The following NTRK2 variants were observed in gnomAD, a reference collection of about 807,000 sequenced individuals.
NTRK2 encodes the protein BDNF/NT-3 growth factors receptor.
In NTRK2, 13 loss-of-function variants were observed where a neutral mutation model predicts 94.5. That is an observed-to-expected ratio of 0.14 (90% CI 0.09 to 0.22). The LOEUF is 0.22. Among genes scored for constraint, NTRK2 ranks in the 10% least tolerant of loss-of-function variants. The probability of loss-of-function intolerance (pLI) is 1.00; values close to 1 mark genes in which losing one functional copy is unlikely to be tolerated. For synonymous variants in NTRK2, 372 were observed against 407.4 expected (o/e 0.91, Z 1.05); for missense variants, 639 against 1,071.2 (o/e 0.60, Z 5.63).
intron 12 of NTRK2, among the ~76,000 whole-genome samples, chr9:84,770,153 A>AACACACACAACACAC (rs1554721782): frequency 7.3e-6 from 1 of 136,956 alleles, no homozygotes; most frequent in Non-Finnish European, 1.6e-5. Flanking sequence ...TGTGCATGAG[A>AACACACACAACACAC]ACACACACAC....
intron 14 of NTRK2, among the ~76,000 whole-genome samples, chr9:84,898,785 C>G (rs1056477926): frequency 4.6e-5 from 7 of 152,016 alleles, no homozygotes; most frequent in Admixed American, 2.0e-4. Flanking sequence ...TCACTGCAAT[C>G]TCTGCCTCCT....
chr9:84,837,573 G>A (rs1405816068), intron 12 of NTRK2, among the ~76,000 whole-genome samples: 1 of 152,170 alleles, frequency 6.6e-6, no homozygotes, highest in Non-Finnish European at 1.5e-5. Flanking sequence ...GGGAGGCTTT[G>A]TAGCAAAGAA....
At chr9:84,724,587 T>C (rs1473778048) in intron 8 of NTRK2, among the ~76,000 whole-genome samples, 1 of 152,238 alleles carries the variant, frequency 6.6e-6, no homozygotes, top group Non-Finnish European at 1.5e-5. Flanking sequence ...ATTTTGAGCT[T>C]GTCATTTTGT....
At chr9:85,019,204 T>G (rs1832563619) in intron 17 of NTRK2, among the ~76,000 whole-genome samples, 1 of 152,186 alleles carries the variant, frequency 6.6e-6, no homozygotes, top group African/African-American at 2.4e-5. Context: ...CTATGCACCA[T>G]TACTCTATAA....
chr9:84,845,250 T>C (rs978228278), intron 12 of NTRK2, among the ~76,000 whole-genome samples: 53 of 148,012 alleles, frequency 3.6e-4, no homozygotes, highest in African/African-American at 1.2e-3. Context: ...ATGTGGTGTA[T>C]ACACACACAC....
Position 84,870,711 on chromosome 9 carries a change from T to C in NTRK2, c.1633+3280T>C, listed in dbSNP as rs75778512. On this transcript the variant is annotated intron_variant, in intron 14 of 18. Coordinates refer to ENST00000277120, the MANE Select transcript of NTRK2 (RefSeq NM_006180.6). ...GGGCTCTTTCAAGAAGTTGCAATGATAAAAACATTTGAGAAGATCTCAGAG... is the reference window on the plus strand; with the variant it reads ...GGGCTCTTTCAAGAAGTTGCAATGACAAAAACATTTGAGAAGATCTCAGAG... Among the ~76,000 whole-genome samples, 707 of 152,148 alleles carry C rather than the reference T, an allele frequency of 4.6e-3. 13 individuals are homozygous for C. The highest frequency in any genetic ancestry group is 0.038 in the Admixed American group (576 of 15,266).
chr9:84,818,201 C>A lies in NTRK2; in HGVS notation c.1397-42839C>A, dbSNP rs1025478052. On this transcript the variant is annotated intron_variant, in intron 12 of 18. Transcript: ENST00000277120. ...GACGTGCCTCAGGTTACCGAGCTAACAAGTTAACACTAGGATTTGAGTTCA... is the reference window on the plus strand; with the variant it reads ...GACGTGCCTCAGGTTACCGAGCTAAAAAGTTAACACTAGGATTTGAGTTCA... 4.6e-5 allele frequency among the ~76,000 whole-genome samples: 7 copies of A among 152,142 alleles called. 1 individual carries two copies. The highest frequency in any genetic ancestry group is 6.3e-3 in the Middle Eastern group (2 of 316).
At chr9:84,831,027 A>G (rs2073513724) in intron 12 of NTRK2, among the ~76,000 whole-genome samples, 1 of 152,236 alleles carries the variant, frequency 6.6e-6, no homozygotes, top group Non-Finnish European at 1.5e-5. Context: ...TTTGTCATAA[A>G]TAAACTTTTC....
At chr9:84,860,349 T>A (rs2075272492) in intron 12 of NTRK2, among the ~76,000 whole-genome samples, 1 of 152,152 alleles carries the variant, frequency 6.6e-6, no homozygotes, top group Admixed American at 6.5e-5. Context: ...AGGTCTTTTC[T>A]TACATGTGCC....
chr9:84,879,528 T>C (rs1229590677), intron 14 of NTRK2, among the ~76,000 whole-genome samples: 1 of 152,140 alleles, frequency 6.6e-6, no homozygotes, highest in Non-Finnish European at 1.5e-5. Context: ...CCATGGATTG[T>C]ATTTTCACAT....
At chr9:84,877,000 A>C (rs2076090452) in intron 14 of NTRK2, 5 of 1,061,670 alleles carry the variant, frequency 4.7e-6, no homozygotes, top group Non-Finnish European at 5.7e-6. Context: ...GATATTGGTG[A>C]TACATAGCTA....
chr9:84,685,198 T>A (rs1473377295), intron 2 of NTRK2, among the ~76,000 whole-genome samples: 2 of 152,098 alleles, frequency 1.3e-5, no homozygotes, highest in Non-Finnish European at 2.9e-5. Context: ...AGTTTCTGGA[T>A]CTTATTAGTT....
At chr9:84,953,028 T>C (rs1823666050) in intron 16 of NTRK2, among the ~76,000 whole-genome samples, 1 of 152,216 alleles carries the variant, frequency 6.6e-6, no homozygotes, top group Admixed American at 6.5e-5. Flanking sequence ...GGTCTTTATT[T>C]CAGATTTTCT....
chr9:84,806,618 T>C (rs1232670163), intron 12 of NTRK2, among the ~76,000 whole-genome samples: 4 of 152,210 alleles, frequency 2.6e-5, no homozygotes, highest in Non-Finnish European at 5.9e-5. Flanking sequence ...TGGGTGACCT[T>C]GGACAATTCA....
At chr9:84,703,070 G>A (rs1038873862) in intron 4 of NTRK2, among the ~76,000 whole-genome samples, 1 of 152,194 alleles carries the variant, frequency 6.6e-6, no homozygotes, top group African/African-American at 2.4e-5. Flanking sequence ...TGGCATTTAA[G>A]TCCATAAGGT....
At chr9:84,794,986 G>A (rs2133262056) in intron 12 of NTRK2, among the ~76,000 whole-genome samples, 1 of 152,254 alleles carries the variant, frequency 6.6e-6, no homozygotes, top group African/African-American at 2.4e-5. Context: ...AACATCTACT[G>A]TCTTAATTCC....
At chr9:84,798,092 G>A (rs1383255928) in intron 12 of NTRK2, among the ~76,000 whole-genome samples, 1 of 151,146 alleles carries the variant, frequency 6.6e-6, no homozygotes, top group East Asian at 2.0e-4. Flanking sequence ...AGGCTGGGAA[G>A]TCCGATATCA....
intron 12 of NTRK2, among the ~76,000 whole-genome samples, chr9:84,755,359 G>A (rs1449628925): frequency 2.6e-5 from 4 of 152,022 alleles, no homozygotes; most frequent in Admixed American, 6.6e-5. Flanking sequence ...CAGAGTTGGC[G>A]CTCAATACAT....
intron 14 of NTRK2, among the ~76,000 whole-genome samples, chr9:84,868,065 T>C (rs988169083): frequency 6.6e-6 from 1 of 152,216 alleles, no homozygotes; most frequent in Non-Finnish European, 1.5e-5. Flanking sequence ...TAAGGGCCTT[T>C]TGTGCTATCT....
Sources: gnomAD v4.1 joint callset for allele counts (sites outside exome capture counted in the v4.1 genomes callset) on GRCh38, gnomAD v4.1.1 for gene constraint, MANE v1.5 for transcripts, NCBI Gene and HGNC (gene_info 2026-07-23, HGNC 2026-07-21) for gene names.